MAML3: variants seen among roughly 807,000 people sequenced by gnomAD.
MAML3 encodes the protein mastermind like transcriptional coactivator 3.
Under a neutral mutation model 101.9 loss-of-function variants are expected in MAML3, and 27 were observed. The ratio of observed to expected loss-of-function variants is 0.27; its 90% confidence interval spans 0.20 to 0.37. The LOEUF is 0.37. Ranked by LOEUF, MAML3 falls within the 10% of genes least tolerant of loss-of-function variation. The pLI is 1.00. For missense variants in MAML3, 1,316 were observed against 1,444.9 expected (o/e 0.91, Z 1.45); for synonymous variants, 501 against 555.9 (o/e 0.90, Z 1.39).
At chr4:139,750,568 C>T (rs913971868) in intron 2 of MAML3, among the ~76,000 whole-genome samples, 1 of 152,182 alleles carries the variant, frequency 6.6e-6, no homozygotes, top group Non-Finnish European at 1.5e-5. Flanking sequence ...TATTACGCCA[C>T]ATGATGAAAC....
intron 1 of MAML3, among the ~76,000 whole-genome samples, chr4:139,981,995 C>T (rs1734452966): frequency 6.6e-6 from 1 of 152,208 alleles, no homozygotes. Context: ...GTGACTCCTT[C>T]TTTTCCGCCT....
chr4:140,012,511 G>A (rs1726578944), intron 1 of MAML3, among the ~76,000 whole-genome samples: 1 of 152,154 alleles, frequency 6.6e-6, no homozygotes, highest in African/African-American at 2.4e-5. Context: ...CCAGCACTTA[G>A]GACTTCACAC....
intron 1 of MAML3, among the ~76,000 whole-genome samples, chr4:140,109,023 G>T (rs1728398578): frequency 6.6e-6 from 1 of 152,106 alleles, no homozygotes; most frequent in Admixed American, 6.5e-5. Flanking sequence ...GGCTAAATGA[G>T]AACTATAAAG....
chr4:139,926,374 G>A (rs562467549), intron 1 of MAML3, among the ~76,000 whole-genome samples: 86 of 152,232 alleles, frequency 5.6e-4, no homozygotes, highest in Middle Eastern at 3.4e-3. Flanking sequence ...CGAGGCGGGC[G>A]GATCACCTGA....
At chr4:139,802,717 G>A (rs761824291) in intron 2 of MAML3, among the ~76,000 whole-genome samples, 8 of 152,232 alleles carry the variant, frequency 5.3e-5, no homozygotes, top group Non-Finnish European at 7.3e-5. Flanking sequence ...GTGGGGTCAA[G>A]TCTGGGCTGT....
At chr4:140,132,603 T>C (rs1463738443) in intron 1 of MAML3, among the ~76,000 whole-genome samples, 1 of 152,108 alleles carries the variant, frequency 6.6e-6, no homozygotes, top group Non-Finnish European at 1.5e-5. Flanking sequence ...CTGTTGAGAG[T>C]TGGCGACCAC....
intron 1 of MAML3, among the ~76,000 whole-genome samples, chr4:140,054,368 C>CAA (rs1344234590): frequency 3.0e-4 from 21 of 68,984 alleles, no homozygotes; most frequent in Admixed American, 4.8e-4. Context: ...GACTCCGTCT[C>CAA]AAAAAAAAAA....
chr4:140,055,730 A>G (rs1205361963), intron 1 of MAML3, among the ~76,000 whole-genome samples: 1 of 152,190 alleles, frequency 6.6e-6, no homozygotes, highest in African/African-American at 2.4e-5. Flanking sequence ...TTCATCAAGT[A>G]TATCTACTCA....
intron 2 of MAML3, among the ~76,000 whole-genome samples, chr4:139,807,896 A>C (rs1240990463): frequency 2.6e-5 from 4 of 152,248 alleles, no homozygotes; most frequent in African/African-American, 9.6e-5. Flanking sequence ...TTCTTATCAA[A>C]CAAAACAAAA....
At chr4:140,059,566 T>G (rs1167325108) in intron 1 of MAML3, among the ~76,000 whole-genome samples, 1 of 152,186 alleles carries the variant, frequency 6.6e-6, no homozygotes, top group East Asian at 1.9e-4. Flanking sequence ...ACTTATTATT[T>G]TAAAAACTCA....
chr4:140,054,684 C>G (rs1449529597), intron 1 of MAML3, among the ~76,000 whole-genome samples: 1 of 152,208 alleles, frequency 6.6e-6, no homozygotes, highest in African/African-American at 2.4e-5. Flanking sequence ...GTCATCTGAT[C>G]ATCACTTGTC....
chr4:139,738,568 G>C (rs1363684751), intron 2 of MAML3, among the ~76,000 whole-genome samples: 1 of 152,062 alleles, frequency 6.6e-6, no homozygotes, highest in East Asian at 1.9e-4. Flanking sequence ...AAAGGTCTTG[G>C]TCCCCATTAT....
intron 1 of MAML3, among the ~76,000 whole-genome samples, chr4:139,960,011 AG>A (rs1395435231): frequency 5.9e-5 from 9 of 152,222 alleles, no homozygotes; most frequent in African/African-American, 2.2e-4. Context: ...ACTATCATTT[AG>A]CTGGAGAGAA....
chr4:140,129,715 C>G (rs1728753913), intron 1 of MAML3, among the ~76,000 whole-genome samples: 1 of 152,092 alleles, frequency 6.6e-6, no homozygotes, highest in Non-Finnish European at 1.5e-5. Flanking sequence ...GCCTGCAGTC[C>G]CAGCACTTTG....
intron 1 of MAML3, among the ~76,000 whole-genome samples, chr4:140,093,801 G>C (rs1011191215): frequency 4.6e-5 from 7 of 152,114 alleles, no homozygotes; most frequent in African/African-American, 1.7e-4. Flanking sequence ...TGCTGCATTA[G>C]GGCTTTTCTC....
intron 1 of MAML3, among the ~76,000 whole-genome samples, chr4:140,109,570 C>T (rs1728407209): frequency 2.0e-5 from 3 of 152,168 alleles, no homozygotes; most frequent in Non-Finnish European, 4.4e-5. Flanking sequence ...CACCCAGAAA[C>T]GATTTCTTCT....
intron 1 of MAML3, among the ~76,000 whole-genome samples, chr4:139,953,327 G>A (rs1320274522): frequency 6.6e-6 from 1 of 152,202 alleles, no homozygotes; most frequent in East Asian, 1.9e-4. Context: ...CCGCTCAAAA[G>A]TTACATTTAA....
rs181033526 is a variant in MAML3 at position 140,117,271 on chromosome 4, G to A, written c.468+35589C>T. The stretch of plus-strand genomic sequence containing the variant: ...TTATATTGATCCAAATATCTCCCTC[G>A]TATTTTCTTACACACTTACTATTCT... On this transcript the variant is annotated intron_variant, in intron 1 of 4. Transcript: ENST00000509479. Among the ~76,000 whole-genome samples the A allele has an allele frequency of 3.3e-3, 499 of 152,116 alleles. 4 individuals are homozygous for A. The highest frequency in any genetic ancestry group is 3.6e-3 in the Non-Finnish European group (243 of 68,006).
intron 2 of MAML3, among the ~76,000 whole-genome samples, chr4:139,778,130 G>A (rs915325977): frequency 2.6e-5 from 4 of 152,216 alleles, no homozygotes; most frequent in South Asian, 4.1e-4. Flanking sequence ...CTGGGGTGAT[G>A]CAATGAATAT....
Sources: allele counts gnomAD v4.1 joint callset (sites outside exome capture counted in the v4.1 genomes callset), GRCh38; gene constraint gnomAD v4.1.1; transcripts MANE v1.5; gene names NCBI Gene and HGNC (gene_info 2026-07-23, HGNC 2026-07-21).